The following DOCK3 variants were observed in gnomAD, a reference collection of about 807,000 sequenced individuals.
DOCK3 encodes dedicator of cytokinesis 3.
A neutral mutation model predicts 265.6 loss-of-function variants in DOCK3; 60 were observed. The observed-to-expected ratio is 0.23, with a 90% CI of 0.18 to 0.28. The LOEUF (loss-of-function observed/expected upper bound fraction) is 0.28, where lower values mean the gene tolerates loss of function less well. Among genes scored for constraint, DOCK3 ranks in the 10% least tolerant of loss-of-function variants. The pLI is 1.00. For synonymous variants in DOCK3, 881 were observed against 938.0 expected (o/e 0.94, Z 1.11); for missense variants, 1,981 against 2,594.3 (o/e 0.76, Z 5.14).
chr3:51,294,910 AATG>A (rs2081992816), intron 27 of DOCK3, among the ~76,000 whole-genome samples: 2 of 152,230 alleles, frequency 1.3e-5, no homozygotes, highest in African/African-American at 4.8e-5. Context: ...ACCACAAAAA[AATG>A]ATAAATATCT....
chr3:51,051,178 AAAC>A (rs2080980942), intron 5 of DOCK3, among the ~76,000 whole-genome samples: 6 of 152,228 alleles, frequency 3.9e-5, no homozygotes, highest in Admixed American at 3.9e-4. Flanking sequence ...AAAATAGATA[AAAC>A]CAAACAATTT....
intron 4 of DOCK3, among the ~76,000 whole-genome samples, chr3:50,897,460 G>A (rs957017070): frequency 6.6e-6 from 1 of 152,068 alleles, no homozygotes; most frequent in African/African-American, 2.4e-5. Context: ...CTTCCTATTT[G>A]AATACCCTTT....
chr3:50,947,719 A>T (rs1247638144), intron 5 of DOCK3, among the ~76,000 whole-genome samples: 1 of 152,176 alleles, frequency 6.6e-6, no homozygotes, highest in Admixed American at 6.5e-5. Context: ...AAAGAAATTT[A>T]AAAAGACCCG....
intron 32 of DOCK3, among the ~76,000 whole-genome samples, chr3:51,328,296 C>A (rs73837422): frequency 0.034 from 5,215 of 152,222 alleles, 323 homozygotes; most frequent in African/African-American, 0.12. Context: ...TCTACCTATA[C>A]CACCATGTGT....
chr3:51,010,701 T>A (rs187823360), intron 5 of DOCK3, among the ~76,000 whole-genome samples: 3 of 152,326 alleles, frequency 2.0e-5, no homozygotes, highest in Non-Finnish European at 2.9e-5. Context: ...GTTGATGCAG[T>A]TTCCTCCTAG....
At chr3:51,325,526 C>T (rs534929586) in intron 32 of DOCK3, among the ~76,000 whole-genome samples, 12 of 152,212 alleles carry the variant, frequency 7.9e-5, no homozygotes, top group Non-Finnish European at 7.4e-5. Context: ...GATCTAGAAC[C>T]AGAAATACCA....
chr3:50,767,252 G>A (rs1371571292), intron 1 of DOCK3, among the ~76,000 whole-genome samples: 3 of 152,098 alleles, frequency 2.0e-5, no homozygotes, highest in Admixed American at 2.0e-4. Flanking sequence ...ATGGTTTTAG[G>A]TCTAACATTT....
chr3:51,356,547 C>T lies in DOCK3; in HGVS notation c.4503+54C>T, dbSNP rs1248978947. On this transcript the variant is annotated intron_variant, in intron 43 of 52. Coordinates refer to ENST00000266037, the MANE Select transcript of DOCK3 (RefSeq NM_004947.5). ...TTCACAACTGCTCCATCAGCCCCAG[C>T]TCTGGGGGCCCTTCTCTAAGGACTA... is the stretch of plus-strand genomic sequence containing the variant. The T allele has an allele frequency of 8.4e-6, 13 of 1,553,932 alleles. No homozygotes were observed. The South Asian group carries it at 1.1e-4, about 13-fold the overall frequency.
chr3:50,909,017 C>G (rs1001422315), intron 4 of DOCK3, among the ~76,000 whole-genome samples: 2 of 151,862 alleles, frequency 1.3e-5, no homozygotes, highest in Non-Finnish European at 2.9e-5. Context: ...TCTGTTTTGT[C>G]AGAAAGTAGG....
At chr3:50,753,554 G>A (rs1221590804) in intron 1 of DOCK3, among the ~76,000 whole-genome samples, 1 of 151,970 alleles carries the variant, frequency 6.6e-6, no homozygotes, top group Non-Finnish European at 1.5e-5. Flanking sequence ...GTAGAGACAG[G>A]GTCTCACTAT....
intron 5 of DOCK3, among the ~76,000 whole-genome samples, chr3:50,990,642 A>G (rs1291706861): frequency 1.3e-5 from 2 of 152,202 alleles, no homozygotes; most frequent in Non-Finnish European, 2.9e-5. Context: ...TCACATGATC[A>G]CAAGGTCCCA....
At chr3:50,732,445 C>G (rs1443259910) in intron 1 of DOCK3, among the ~76,000 whole-genome samples, 2 of 152,256 alleles carry the variant, frequency 1.3e-5, no homozygotes, top group African/African-American at 4.8e-5. Context: ...ACTGTGTTGC[C>G]CAGTCTGCAG....
At chr3:50,766,985 T>G (rs969271359) in intron 1 of DOCK3, among the ~76,000 whole-genome samples, 1 of 152,104 alleles carries the variant, frequency 6.6e-6, no homozygotes, top group Non-Finnish European at 1.5e-5. Flanking sequence ...TTGTTGTAAA[T>G]TTGTTTGAGT....
At chr3:50,914,867 TGG>T (rs1411690059) in intron 4 of DOCK3, among the ~76,000 whole-genome samples, 1 of 152,094 alleles carries the variant, frequency 6.6e-6, no homozygotes, top group Admixed American at 6.5e-5. Flanking sequence ...GGATCCCTCT[TGG>T]TGTCATGTTT....
At chr3:51,107,654 A>G (rs1031781231) in intron 9 of DOCK3, among the ~76,000 whole-genome samples, 2 of 152,232 alleles carry the variant, frequency 1.3e-5, no homozygotes, top group African/African-American at 4.8e-5. Context: ...AAGAATGAAA[A>G]GGAACAAACA....
chr3:51,016,022 T>G (rs375769010), intron 5 of DOCK3, among the ~76,000 whole-genome samples: 3 of 18,794 alleles, frequency 1.6e-4, no homozygotes, highest in East Asian at 2.0e-3. Context: ...TTCTACATAA[T>G]ATATATCATA....
rs908591037 is a variant in DOCK3, at chr3:51,361,804, C to A, written c.5007-55C>A. ...ATTCCACACATTCCGCTCTACTGTC[C>A]CCCTGCCACCTGCCATGGGCCTGAC... On this transcript the variant is annotated intron_variant, in intron 47 of 52. Coordinates refer to ENST00000266037, the MANE Select transcript of DOCK3 (RefSeq NM_004947.5). This position sits in a 1 kb window ranked among gnomAD's most constrained non-coding sequence, Gnocchi z 4.2. The A allele has an allele frequency of 5.0e-6, 8 of 1,584,944 alleles. No individual in the cohort carries two copies. The highest frequency in any genetic ancestry group is 1.7e-4 in the Middle Eastern group (1 of 5,940).
intron 12 of DOCK3, among the ~76,000 whole-genome samples, chr3:51,192,324 C>T (rs763518601): frequency 7.3e-5 from 11 of 151,282 alleles, no homozygotes; most frequent in Non-Finnish European, 1.5e-4. Flanking sequence ...TTGAAGAGGA[C>T]GGAACTCTCT....
chr3:51,031,592 GT>G (rs746479995), intron 5 of DOCK3, among the ~76,000 whole-genome samples: 6 of 152,144 alleles, frequency 3.9e-5, no homozygotes, highest in Non-Finnish European at 5.9e-5. Context: ...CAGCAATAAT[GT>G]TCTTAGTTAG....
Sources: gnomAD v4.1 joint callset for allele counts (sites outside exome capture counted in the v4.1 genomes callset) on GRCh38, gnomAD v4.1.1 for gene constraint, Gnocchi (gnomAD v3.1) non-coding constraint, MANE v1.5 for transcripts, NCBI Gene and HGNC (gene_info 2026-07-23, HGNC 2026-07-21) for gene names.